The following RALGAPA1 variants were observed in gnomAD, a reference collection of about 807,000 sequenced individuals.
RALGAPA1 encodes ral GTPase-activating protein subunit alpha-1.
In RALGAPA1, 52 loss-of-function variants were observed where a neutral mutation model predicts 269.6. That is an observed-to-expected ratio of 0.19 (90% CI 0.15 to 0.24). RALGAPA1 has a LOEUF of 0.24. Among genes scored for constraint, RALGAPA1 ranks in the 10% least tolerant of loss-of-function variants. RALGAPA1 has a pLI of 1.00. For synonymous variants in RALGAPA1, 817 were observed against 1,008.3 expected, an observed-to-expected ratio of 0.81 and a Z score of 3.60; for missense variants, 1,917 against 3,013.9, an observed-to-expected ratio of 0.64 and a Z score of 8.52.
intron 4 of RALGAPA1, among the ~76,000 whole-genome samples, chr14:35,764,302 G>T (rs941521798): frequency 6.6e-6 from 1 of 151,802 alleles, no homozygotes; most frequent in Non-Finnish European, 1.5e-5. Context: ...GCCAAGGCTG[G>T]TCTGGAACTC....
At chr14:35,794,944 C>T (rs1220431456) in intron 1 of RALGAPA1, among the ~76,000 whole-genome samples, 1 of 151,812 alleles carries the variant, frequency 6.6e-6, no homozygotes, top group Non-Finnish European at 1.5e-5. Flanking sequence ...TAACAAATTC[C>T]TTCTCTAAAT....
At chr14:35,629,555 G>C (rs959475198) in intron 33 of RALGAPA1, among the ~76,000 whole-genome samples, 1 of 152,096 alleles carries the variant, frequency 6.6e-6, no homozygotes, top group Admixed American at 6.5e-5. Context: ...CCAGGCTGGA[G>C]TGCAGTGGCG....
Position 35,570,633 on chromosome 14 carries a change from G to A in RALGAPA1, c.7480C>T (p.Pro2494Ser). 2.5e-6 allele frequency: 4 copies of A among 1,604,412 alleles called. No individual in the cohort carries two copies. The highest frequency in any genetic ancestry group is 3.4e-6 in the Non-Finnish European group (4 of 1,177,252). The change falls in exon 39 of 42, where the codon CCA becomes TCA. Residue 2494 changes from proline (P) to serine (S), a missense_variant. By Grantham distance (74) the Pro-to-Ser change is moderately conservative (BLOSUM62 -1). This residue lies in a region of RALGAPA1 where 91 missense variants were observed against 130.9 expected (regional missense o/e 0.70). Coordinates refer to ENST00000680220, the MANE Select transcript of RALGAPA1 (RefSeq NM_001346249.2). ...NASRALKSLIPLYQNFYEERA... is the reference protein window; with the variant it reads ...NASRALKSLISLYQNFYEERA... ...AAAGGATACAAGTTTTGATACAATG[G>A]AATCAGAGATTTCAGAGCACGGCTT...
At chr14:35,631,942 T>C (rs1330592361) in intron 33 of RALGAPA1, among the ~76,000 whole-genome samples, 4 of 152,086 alleles carry the variant, frequency 2.6e-5, no homozygotes, top group African/African-American at 9.7e-5. Context: ...TACCAGAGTA[T>C]CCCATATGTC....
chr14:35,598,111 G>C (rs1371400782), intron 36 of RALGAPA1, among the ~76,000 whole-genome samples: 1 of 152,182 alleles, frequency 6.6e-6, no homozygotes, highest in Non-Finnish European at 1.5e-5. Context: ...CTGTTGAGGA[G>C]TGAAGTCTCC....
chr14:35,543,893 C>T (rs1398422732), intron 41 of RALGAPA1, among the ~76,000 whole-genome samples: 1 of 152,230 alleles, frequency 6.6e-6, no homozygotes, highest in Admixed American at 6.5e-5. Context: ...CTGCCTGCCT[C>T]AGCCTCCCAA....
chr14:35,765,270 A>C (rs747831205), intron 4 of RALGAPA1, among the ~76,000 whole-genome samples: 2 of 152,126 alleles, frequency 1.3e-5, no homozygotes, highest in South Asian at 2.1e-4. Context: ...AAAATAGCCA[A>C]CACCACCACC....
At chr14:35,549,341 G>T (rs1405271205) in intron 39 of RALGAPA1, 107 bp from the exon 40 acceptor site, 2 of 1,123,934 alleles carry the variant, frequency 1.8e-6, no homozygotes, top group South Asian at 1.9e-5. Context: ...TTAATAAATA[G>T]AATTATTCAC....
At chr14:35,789,212 G>T (rs4981306) in intron 1 of RALGAPA1, among the ~76,000 whole-genome samples, 1 of 151,748 alleles carries the variant, frequency 6.6e-6, no homozygotes, top group African/African-American at 2.4e-5. Context: ...TAAGGGTGAT[G>T]GGAAGGCAGT....
intron 1 of RALGAPA1, among the ~76,000 whole-genome samples, chr14:35,799,592 C>T (rs1040317227): frequency 2.7e-5 from 4 of 150,228 alleles, no homozygotes; most frequent in African/African-American, 7.3e-5. Context: ...AAGGTATATA[C>T]TATAAATCAT....
At chr14:35,658,597 T>G (rs2063344977) in intron 28 of RALGAPA1, among the ~76,000 whole-genome samples, 2 of 152,074 alleles carry the variant, frequency 1.3e-5, no homozygotes, top group Non-Finnish European at 2.9e-5. Flanking sequence ...CAATCTTTTT[T>G]TGGAAAGGTT....
chr14:35,696,346 T>G (rs1002910786), intron 17 of RALGAPA1, among the ~76,000 whole-genome samples: 1 of 152,046 alleles, frequency 6.6e-6, no homozygotes, highest in Non-Finnish European at 1.5e-5. Context: ...CAGTGAGTCA[T>G]GTTTGCACCA....
At chr14:35,684,148 T>C (rs1192052514) in intron 20 of RALGAPA1, among the ~76,000 whole-genome samples, 163 bp from the exon 21 acceptor site, 2 of 152,228 alleles carry the variant, frequency 1.3e-5, no homozygotes, top group South Asian at 2.1e-4. Flanking sequence ...CTGAAGATTA[T>C]AAGTAGATCG....
At chr14:35,799,961 A>G (rs1473624569) in intron 1 of RALGAPA1, among the ~76,000 whole-genome samples, 1 of 152,248 alleles carries the variant, frequency 6.6e-6, no homozygotes, top group Non-Finnish European at 1.5e-5. Flanking sequence ...ATATCAAAGT[A>G]GATTCCAAAG....
intron 1 of RALGAPA1, among the ~76,000 whole-genome samples, chr14:35,806,440 A>G (rs978234477): frequency 2.0e-5 from 3 of 152,198 alleles, no homozygotes; most frequent in Non-Finnish European, 4.4e-5. Context: ...TAGTTTTTAC[A>G]AATCAATTAT....
chr14:35,577,197 C>T (rs191180554), intron 37 of RALGAPA1, among the ~76,000 whole-genome samples: 2 of 152,230 alleles, frequency 1.3e-5, no homozygotes, highest in African/African-American at 4.8e-5. Context: ...TTTCTATAGT[C>T]TATGGCCTGC....
chr14:35,685,179 A>G (rs528375217), intron 19 of RALGAPA1, 34 bp from the exon 20 acceptor site: 2 of 1,530,128 alleles, frequency 1.3e-6, no homozygotes, highest in African/African-American at 2.8e-5. Context: ...CCATTAAGAA[A>G]AAGCTTTTAT....
chr14:35,603,030 T>C (rs1224802706), intron 36 of RALGAPA1, among the ~76,000 whole-genome samples: 1 of 152,172 alleles, frequency 6.6e-6, no homozygotes, highest in Non-Finnish European at 1.5e-5. Context: ...GGCACCCTTG[T>C]CAAAAACGGC....
At chr14:35,786,234 G>A (rs2075784720) in intron 1 of RALGAPA1, among the ~76,000 whole-genome samples, 1 of 152,156 alleles carries the variant, frequency 6.6e-6, no homozygotes, top group African/African-American at 2.4e-5. Context: ...TAGTGGTGCT[G>A]GAGGTAAGAA....
Sources: allele counts gnomAD v4.1 joint callset (sites outside exome capture counted in the v4.1 genomes callset), GRCh38; gene constraint gnomAD v4.1.1; regional missense constraint gnomAD v4.1.1; transcripts MANE v1.5; gene names NCBI Gene and HGNC (gene_info 2026-07-23, HGNC 2026-07-21).